The following NOTCH2 variants were observed in gnomAD, a reference collection of about 807,000 sequenced individuals.
NOTCH2 encodes the protein neurogenic locus notch homolog protein 2.
A neutral mutation model predicts 235.8 loss-of-function variants in NOTCH2; 29 were observed. The observed-to-expected ratio is 0.12, with a 90% confidence interval of 0.09 to 0.17. The LOEUF (loss-of-function observed/expected upper bound fraction) is 0.17. Among genes scored for constraint, NOTCH2 ranks in the 10% least tolerant of loss-of-function variants. The probability of loss-of-function intolerance (pLI) is 1.00; values close to 1 mark genes in which losing one functional copy is unlikely to be tolerated. For missense variants in NOTCH2, 2,285 were observed against 3,150.2 expected (o/e 0.73, Z 6.57); for synonymous variants, 1,086 against 1,141.5 (o/e 0.95, Z 0.98).
Position 120,069,613 on chromosome 1 carries a change from G to A in NOTCH2, c.-207C>T, listed in dbSNP as rs1349319700. 4.8e-5 allele frequency: 67 copies of A among 1,407,044 alleles called. No homozygotes were observed. The highest frequency in any genetic ancestry group is 5.8e-5 in the Non-Finnish European group (63 of 1,088,952). 87.2% of individuals were successfully genotyped at this position (1,407,044 alleles called of 1,614,324 possible). ...CCGCTCCTCGGCCGCCGCCTCAGCC[G>A]CCGCCCGAAGTTTGGCTGAAACTTT... On this transcript the variant is annotated 5_prime_UTR_variant, in exon 1 of 34. Coordinates refer to ENST00000256646, the MANE Select transcript of NOTCH2 (RefSeq NM_024408.4).
chr1:119,975,322 A>G (rs1251137561), intron 5 of NOTCH2, among the ~76,000 whole-genome samples: 1 of 152,136 alleles, frequency 6.6e-6, no homozygotes, highest in Non-Finnish European at 1.5e-5. Context: ...TTGTTGCTCC[A>G]TCCTCTGGCT....
At position 119,915,269 on chromosome 1, in the gene NOTCH2, A is replaced by G. The variant is rs779291005; in HGVS notation, c.*37T>C. 32 of 1,605,792 alleles carry G rather than the reference A, an allele frequency of 2.0e-5. No individual in the cohort carries two copies. In the South Asian group the frequency reaches 2.5e-4, roughly 13 times the overall value. Reference sequence around the variant, plus strand: ...CATTTGTTCCTCAGCAGCATTTACAAAAGTCAGTTATGTCTCTACACTGGA... The same window carrying G: ...CATTTGTTCCTCAGCAGCATTTACAGAAGTCAGTTATGTCTCTACACTGGA... On this transcript the variant is annotated 3_prime_UTR_variant, in exon 34 of 34. Transcript: ENST00000256646.
chr1:119,935,399 C>T lies in NOTCH2; in HGVS notation c.3655+73G>A, dbSNP rs1244678678. Reference sequence around the variant, plus strand: ...TCCTATCTTTAATTTTATAAAATCCCCTGAACACTAAGAATGGATTTATAA... The same window carrying T: ...TCCTATCTTTAATTTTATAAAATCCTCTGAACACTAAGAATGGATTTATAA... On this transcript the variant is annotated intron_variant, in intron 22 of 33. Transcript: ENST00000256646. 3 of 1,612,870 alleles carry T rather than the reference C, an allele frequency of 1.9e-6. No homozygotes were observed. In the East Asian group the frequency reaches 6.7e-5, roughly 36 times the overall value.
At chr1:120,053,990 GTC>G (rs1210645596) in intron 1 of NOTCH2, 1 of 113,408 alleles carries the variant, frequency 8.8e-6, no homozygotes, top group Non-Finnish European at 1.8e-5. Context: ...TCAGAGCCCA[GTC>G]TCTCTGATTC....
intron 23 of NOTCH2, among the ~76,000 whole-genome samples, chr1:119,928,037 T>C (rs1430215016): frequency 6.6e-6 from 1 of 152,306 alleles, no homozygotes; most frequent in South Asian, 2.1e-4. Context: ...ACCCTCCATA[T>C]AAGAAATACA....
intron 22 of NOTCH2, among the ~76,000 whole-genome samples, chr1:119,930,159 T>C (rs1471965045): frequency 6.6e-6 from 1 of 152,210 alleles, no homozygotes; most frequent in Non-Finnish European, 1.5e-5. Flanking sequence ...ATCCCCACTG[T>C]TAAGTGACCC....
At chr1:119,917,838 T>C (rs956648801) in intron 32 of NOTCH2, 76 bp from the exon 33 acceptor site, 1 of 934,558 alleles carries the variant, frequency 1.1e-6, no homozygotes, top group Non-Finnish European at 1.8e-6. Context: ...CACAATGAAA[T>C]CTTAAACTCC....
At chr1:119,917,994 G>A (rs1323166050) in intron 32 of NOTCH2, among the ~76,000 whole-genome samples, 2 of 152,098 alleles carry the variant, frequency 1.3e-5, no homozygotes, top group Non-Finnish European at 2.9e-5. Flanking sequence ...CTTGTATGAG[G>A]CATTCATGTC....
chr1:120,000,393 G>A (rs1652702107), intron 3 of NOTCH2, among the ~76,000 whole-genome samples: 1 of 151,198 alleles, frequency 6.6e-6, no homozygotes, highest in Non-Finnish European at 1.5e-5. Context: ...AATTAGCCGG[G>A]CATGGCGGTA....
Position 119,920,130 on chromosome 1 carries a change from G to T in NOTCH2, c.5479+99C>A, listed in dbSNP as rs891828281. 26 of 1,328,624 alleles carry T rather than the reference G, an allele frequency of 2.0e-5. No homozygotes were observed. In the East Asian group the frequency reaches 5.9e-4, roughly 30 times the overall value. 82.3% of individuals were successfully genotyped at this position (1,328,624 alleles called of 1,614,324 possible). A position where few individuals can be genotyped will look rare whatever the true frequency, so the allele number is the denominator to read the frequency against. The stretch of plus-strand genomic sequence containing the variant: ...AGCTGATTTAGAGTCTGTGAAATTG[G>T]GAAGGGGTTTATGACTGGACAGGGC... On this transcript the variant is annotated intron_variant, in intron 30 of 33. Transcript: ENST00000256646.
At chr1:119,991,826 CAAAAA>C (rs782061351) in intron 4 of NOTCH2, among the ~76,000 whole-genome samples, 2 of 95,316 alleles carry the variant, frequency 2.1e-5, no homozygotes, top group South Asian at 3.4e-4. Flanking sequence ...TGCTCCGTCT[CAAAAA>C]AAAAAAAAAA....
Position 119,985,799 on chromosome 1 carries a change from A to G in NOTCH2, c.874+1161T>C, listed in dbSNP as rs148641038. 9.8e-5 allele frequency among the ~76,000 whole-genome samples: 15 copies of G among 152,344 alleles called. No homozygotes were observed. In the East Asian group the frequency reaches 2.9e-3, roughly 29 times the overall value. ...TCATAGAAAAATGGCAAAAACTAGA[A>G]GAGACAATGTCACAAAAAGTACAGA... On this transcript the variant is annotated intron_variant, in intron 5 of 33. Transcript: ENST00000256646.
intron 5 of NOTCH2, among the ~76,000 whole-genome samples, chr1:119,980,959 A>G (rs1376988456): frequency 6.6e-6 from 1 of 151,734 alleles, no homozygotes; most frequent in East Asian, 1.9e-4. Flanking sequence ...TTCCTCGTCA[A>G]TTTTCTGAAG....
chr1:119,959,356 G>T, intron 12 of NOTCH2, 36 bp downstream of exon 12: 3 of 1,086,938 alleles, frequency 2.8e-6, no homozygotes, highest in Non-Finnish European at 4.3e-6. Context: ...AAGTGATAGG[G>T]CTGAAGGAGG....
chr1:119,922,602 C>T (rs746243253), intron 27 of NOTCH2, 34 bp downstream of exon 27: 24 of 1,613,206 alleles, frequency 1.5e-5, no homozygotes, highest in East Asian at 2.2e-5. Flanking sequence ...ACTCTTCCCC[C>T]GCCACCTTTC....
intron 5 of NOTCH2, among the ~76,000 whole-genome samples, chr1:119,983,306 A>G (rs1651882901): frequency 6.6e-6 from 1 of 151,580 alleles, no homozygotes; most frequent in African/African-American, 2.4e-5. Context: ...GGTGCACGCC[A>G]CCACACCCAG....
intron 5 of NOTCH2, among the ~76,000 whole-genome samples, chr1:119,973,445 A>G (rs1651444754): frequency 6.6e-6 from 1 of 152,142 alleles, no homozygotes; most frequent in South Asian, 2.1e-4. Context: ...CAGGTTCAGG[A>G]AGGTAAAAAA....
chr1:119,983,904 T>C (rs1296264249), intron 5 of NOTCH2, among the ~76,000 whole-genome samples: 1 of 152,202 alleles, frequency 6.6e-6, no homozygotes, highest in African/African-American at 2.4e-5. Flanking sequence ...TTTTCAGCCA[T>C]ATAGTCTTAT....
chr1:119,968,040 G>A (rs1435873592), intron 7 of NOTCH2, 37 bp downstream of exon 7: 16 of 1,612,286 alleles, frequency 9.9e-6, no homozygotes, highest in Non-Finnish European at 1.3e-5. Context: ...GAGCTCAACA[G>A]ACACTTCACA....
Sources: gnomAD v4.1 joint callset for allele counts (sites outside exome capture counted in the v4.1 genomes callset) on GRCh38, gnomAD v4.1.1 for gene constraint, MANE v1.5 for transcripts, NCBI Gene and HGNC (gene_info 2026-07-23, HGNC 2026-07-21) for gene names.